ART4: variants seen among roughly 807,000 people sequenced by gnomAD.
ART4 encodes ecto-ADP-ribosyltransferase 4.
Under a neutral mutation model 24.2 loss-of-function variants are expected in ART4, and 14 were observed. The observed-to-expected ratio is 0.58, with a 90% CI of 0.38 to 0.90. The LOEUF (loss-of-function observed/expected upper bound fraction) is 0.90, where lower values mean the gene tolerates loss of function less well. Ranked by LOEUF, ART4 falls within the 40% of genes least tolerant of loss-of-function variation. The pLI is 0.00. For synonymous variants in ART4, 145 were observed against 139.9 expected, an observed-to-expected ratio of 1.04 and a Z score of -0.26; for missense variants, 356 against 366.6, an observed-to-expected ratio of 0.97 and a Z score of 0.24.
intron 1 of ART4, among the ~76,000 whole-genome samples, chr12:14,841,448 T>C (rs901794438): frequency 2.6e-5 from 4 of 152,224 alleles, no homozygotes; most frequent in Non-Finnish European, 5.9e-5. Context: ...GTAAGTACTT[T>C]GAAGAAAAAA....
rs762082878 is a variant in ART4, at chr12:14,843,088, T to C, written c.26A>G (p.Lys9Arg). The part of the protein sequence containing the change: MGPLINRC[K>R]KILLPTTVPP... The stretch of plus-strand genomic sequence containing the variant: ...TACAGTAGTTGGGAGAAGAATCTTC[T>C]TGCATCTGTTGATCAATGGACCCAT... The change falls in exon 1 of 3, where the codon AAG becomes AGG. Residue 9 changes from lysine (K) to arginine (R), a missense_variant. By Grantham distance (26) the Lys-to-Arg change is conservative. Transcript: ENST00000228936. 6.2e-7 allele frequency: 1 copy of C among 1,614,104 alleles called. No individual in the cohort carries two copies. Among genetic ancestry groups the C allele is most frequent in the Non-Finnish European group, 8.5e-7 (1 of 1,180,020 alleles).
intron 2 of ART4, among the ~76,000 whole-genome samples, chr12:14,830,676 TATATATATATATATATATATATAC>T (rs1208853169): frequency 9.2e-6 from 1 of 108,484 alleles, no homozygotes; most frequent in African/African-American, 3.6e-5. Context: ...TATATATATA[TATATATATATATATATATATATAC>T]AGTAATTTCT....
chr12:14,837,711 C>T (rs897880961), intron 2 of ART4, among the ~76,000 whole-genome samples: 17 of 152,086 alleles, frequency 1.1e-4, no homozygotes, highest in African/African-American at 3.1e-4. Context: ...GACGAGGTTT[C>T]ACCATGTTGG....
chr12:14,841,288 A>T (rs991725421), intron 1 of ART4, 135 bp from the exon 2 acceptor site: 1 of 761,072 alleles, frequency 1.3e-6, no homozygotes, highest in African/African-American at 1.8e-5. Flanking sequence ...ACTGAAAATC[A>T]TTACACTGTT....
chr12:14,836,198 C>A (rs1048117897), intron 2 of ART4, among the ~76,000 whole-genome samples: 1 of 152,084 alleles, frequency 6.6e-6, no homozygotes, highest in Non-Finnish European at 1.5e-5. Flanking sequence ...ATCTTAGCAA[C>A]CTCAGCATAC....
intron 2 of ART4, among the ~76,000 whole-genome samples, chr12:14,837,875 A>T (rs1950441782): frequency 6.6e-6 from 1 of 152,200 alleles, no homozygotes; most frequent in Non-Finnish European, 1.5e-5. Context: ...TACGATAATT[A>T]TTAGGTAGAT....
At chr12:14,830,119 A>AGT (rs113436435) in intron 2 of ART4, among the ~76,000 whole-genome samples, 10,969 of 145,626 alleles carry the variant, frequency 0.075, 499 homozygotes, top group African/African-American at 0.14. Flanking sequence ...TCCTGTTTGG[A>AGT]GTGTGTGTGT....
rs1363001783 is a variant in ART4, at chr12:14,828,322, T to C, written c.*1049A>G. ...CCATCAAGTTCTCTATGAATTAACA[T>C]ATGAGTTTAAATTTTAACTTTTGTA... On this transcript the variant is annotated 3_prime_UTR_variant, in exon 3 of 3. Transcript: ENST00000228936. 1.3e-5 allele frequency: 2 copies of C among 152,232 alleles called. No homozygotes were observed. Among genetic ancestry groups the C allele is most frequent in the African/African-American group, 2.4e-5 (1 of 41,460 alleles). The allele number at this position is 152,232 out of a possible 1,614,324, so 9.4% of individuals were successfully genotyped here. A position where few individuals can be genotyped will look rare whatever the true frequency, so the allele number is the denominator to read the frequency against.
Position 14,840,482 on chromosome 12 carries a change from A to T in ART4, c.816T>A (p.Thr272=), listed in dbSNP as rs200528064. The T allele has an allele frequency of 6.2e-7, 1 of 1,613,800 alleles. No homozygotes were observed. Among genetic ancestry groups the T allele is most frequent in the Admixed American group, 1.7e-5 (1 of 59,972 alleles). Reference sequence around the variant, plus strand: ...GACAGTTATATGTGCTCAGGTTCCCAGTTGACCTCAACTGCAACCAGTCTC... The same window carrying T: ...GACAGTTATATGTGCTCAGGTTCCCTGTTGACCTCAACTGCAACCAGTCTC... ...PRGDWLQLRS[T]GNLSTYNCQL... The change falls in exon 2 of 3, where the codon ACT becomes ACA. Residue 272 remains threonine (T), a synonymous_variant. Transcript: ENST00000228936.
intron 2 of ART4, among the ~76,000 whole-genome samples, chr12:14,835,279 T>A (rs1042251286): frequency 3.9e-5 from 6 of 152,164 alleles, no homozygotes; most frequent in Admixed American, 3.9e-4. Flanking sequence ...ATCTGTGAAT[T>A]CCCTAGGCTG....
In ART4 at chr12:14,840,581, G is replaced by A. The variant is rs1214896055; in HGVS notation, c.717C>T (p.Phe239=). The change falls in exon 2 of 3, where the codon TTC becomes TTT. Residue 239 remains phenylalanine, a synonymous_variant. Coordinates refer to ENST00000228936, the MANE Select transcript of ART4 (RefSeq NM_021071.4). ...FTCLGAPVQY[F]SLKKEVLIPP... ...GGATCAAGACTTCCTTCTTGAGGGA[G>A]AAGTACTGTACAGGTGCACCCAGGC... is the stretch of plus-strand genomic sequence containing the variant. The A allele has an allele frequency of 5.6e-6, 9 of 1,614,192 alleles. 1 individual carries two copies. The highest frequency in any genetic ancestry group is 4.4e-5 in the South Asian group (4 of 91,080).
rs1218206933 is a variant in ART4, at chr12:14,840,495, T to A, written c.803A>T (p.Gln268Leu). Residue 268 changes from glutamine (Q) to leucine (L), a missense_variant, in exon 2 of 3, where the codon CAG becomes CTG. By Grantham distance (113) the Gln-to-Leu change is moderately radical. Transcript: ENST00000228936. ...MSYHPRGDWL[Q>L]LRSTGNLSTY... ...GCTCAGGTTCCCAGTTGACCTCAACTGCAACCAGTCTCCTCTTGGGTGGTA... is the reference window on the plus strand; with the variant it reads ...GCTCAGGTTCCCAGTTGACCTCAACAGCAACCAGTCTCCTCTTGGGTGGTA... 1.2e-6 allele frequency: 2 copies of A among 1,613,978 alleles called. No individual in the cohort carries two copies. The highest frequency in any genetic ancestry group is 1.7e-6 in the Non-Finnish European group (2 of 1,180,002).
intron 2 of ART4, among the ~76,000 whole-genome samples, chr12:14,836,475 A>G (rs2137301556): frequency 1.3e-5 from 2 of 152,340 alleles, no homozygotes; most frequent in East Asian, 3.9e-4. Flanking sequence ...CACACCACTC[A>G]GAATGGCATA....
At position 14,834,743 on chromosome 12, in the gene ART4, A is replaced by G. The variant is rs571894442; in HGVS notation, c.854-5281T>C. On this transcript the variant is annotated intron_variant, in intron 2 of 2. Coordinates refer to ENST00000228936, the MANE Select transcript of ART4 (RefSeq NM_021071.4). ...CTGTTAACATATTTTGAGTCTTCCA[A>G]TGGGCATGAAGACACCTGTTTCTAT... Among the ~76,000 whole-genome samples the G allele has an allele frequency of 3.3e-5, 5 of 152,362 alleles. No homozygotes were observed. The South Asian group carries it at 1.0e-3, about 32-fold the overall frequency.
At chr12:14,830,645 GTATGTATATATATATATATATA>G in intron 2 of ART4, among the ~76,000 whole-genome samples, 1 of 40,156 alleles carries the variant, frequency 2.5e-5, no homozygotes, top group South Asian at 1.0e-3. Flanking sequence ...TGTACTGTAT[GTATGTATATATATATATATATA>G]TATATATATA....
chr12:14,831,340 G>T (rs754377357), intron 2 of ART4, among the ~76,000 whole-genome samples: 6 of 145,538 alleles, frequency 4.1e-5, no homozygotes, highest in Non-Finnish European at 8.9e-5. Flanking sequence ...TGTGATCTCT[G>T]CTCACTGCAA....
Position 14,840,601 on chromosome 12 carries a change from C to G in ART4, c.697G>C (p.Gly233Arg), listed in dbSNP as rs148711787. 1.2e-6 allele frequency: 2 copies of G among 1,614,004 alleles called. No individual in the cohort carries two copies. The highest frequency in any genetic ancestry group is 1.7e-6 in the Non-Finnish European group (2 of 1,180,028). Residue 233 changes from glycine (G) to arginine (R), a missense_variant, in exon 2 of 3, where the codon GGT becomes CGT. Physicochemically the swap from Gly to Arg is moderately radical, Grantham distance 125. Transcript: ENST00000228936. Reference sequence around the variant, plus strand: ...AGGGAGAAGTACTGTACAGGTGCACCCAGGCAGGTGAATATGGTAAATAGT... The same window carrying G: ...AGGGAGAAGTACTGTACAGGTGCACGCAGGCAGGTGAATATGGTAAATAGT... ...QTLFTIFTCL[G>R]APVQYFSLKK... is the part of the protein sequence containing the mutation.
chr12:14,835,102 G>C (rs1000106851), intron 2 of ART4, among the ~76,000 whole-genome samples: 1 of 152,164 alleles, frequency 6.6e-6, no homozygotes, highest in East Asian at 1.9e-4. Context: ...AGATTGAGAG[G>C]GAACAGGAGA....
intron 2 of ART4, among the ~76,000 whole-genome samples, chr12:14,831,271 A>AT (rs35715515): frequency 0.012 from 1,660 of 133,418 alleles, 24 homozygotes; most frequent in African/African-American, 0.023. Context: ...TTCCTTCTCC[A>AT]TTTTTTTTTT....
Sources: gnomAD v4.1 joint callset for allele counts (sites outside exome capture counted in the v4.1 genomes callset) on GRCh38, gnomAD v4.1.1 for gene constraint, MANE v1.5 for transcripts, NCBI Gene and HGNC (gene_info 2026-07-23, HGNC 2026-07-21) for gene names.